The following CASTOR2 variants were observed in gnomAD, a reference collection of about 807,000 sequenced individuals.
CASTOR2 encodes the protein cytosolic arginine sensor for mTORC1 subunit 2, also known as GATS protein like 2.
In CASTOR2, 8 loss-of-function variants were observed where a neutral mutation model predicts 31.2. The observed-to-expected ratio is 0.26, with a 90% CI of 0.15 to 0.46. The LOEUF (loss-of-function observed/expected upper bound fraction) is 0.46. Ranked by LOEUF, CASTOR2 falls within the 20% of genes least tolerant of loss-of-function variation. The probability of loss-of-function intolerance (pLI) is 0.99; values close to 1 mark genes in which losing one functional copy is unlikely to be tolerated. For missense variants in CASTOR2, 216 were observed against 382.1 expected (o/e 0.57, Z 3.62); for synonymous variants, 162 against 158.7 (o/e 1.02, Z -0.16).
In CASTOR2 at chr7:75,026,661, CTT is replaced by C. The variant is rs1350863724; in HGVS notation, c.*1973_*1974del. Among the ~76,000 whole-genome samples, 1 of 147,478 alleles carries C rather than the reference CTT, an allele frequency of 6.8e-6. No individual in the cohort carries two copies. Among genetic ancestry groups the C allele is most frequent in the South Asian group, 2.1e-4 (1 of 4,702 alleles). ...GCCCACCACATTAATTAGAAACCAACTTTTTTTTTTTTAAGTTAATTTGTTTT... is the reference window on the plus strand; with the variant it reads ...GCCCACCACATTAATTAGAAACCAACTTTTTTTTTTAAGTTAATTTGTTTT... On this transcript the variant is annotated 3_prime_UTR_variant, in exon 9 of 9. Coordinates refer to ENST00000616305, the MANE Select transcript of CASTOR2 (RefSeq NM_001145064.3).
chr7:75,026,130 T>TG lies in CASTOR2; in HGVS notation c.*1435dup, dbSNP rs1216295405. Reference sequence around the variant, plus strand: ...GGGTTAGCCGTGGTGTCCCTTCCAGTGGGGTGGTTTTCTGAATGAGCAGGA... The same window carrying TG: ...GGGTTAGCCGTGGTGTCCCTTCCAGTGGGGGTGGTTTTCTGAATGAGCAGGA... On this transcript the variant is annotated 3_prime_UTR_variant, in exon 9 of 9. Coordinates refer to ENST00000616305, the MANE Select transcript of CASTOR2 (RefSeq NM_001145064.3). Among the ~76,000 whole-genome samples the TG allele has an allele frequency of 6.7e-6, 1 of 149,340 alleles. No homozygotes were observed. Among genetic ancestry groups the TG allele is most frequent in the African/African-American group, 2.5e-5 (1 of 40,488 alleles).
chr7:75,027,161 C>T lies in CASTOR2; in HGVS notation c.*2462C>T, dbSNP rs886067813. 1 of 152,196 alleles carries T rather than the reference C, an allele frequency of 6.6e-6. No homozygotes were observed. The highest frequency in any genetic ancestry group is 2.4e-5 in the African/African-American group (1 of 41,428). 9.4% of individuals were successfully genotyped at this position (152,196 alleles called of 1,614,324 possible). A position where few individuals can be genotyped will look rare whatever the true frequency, so the allele number is the denominator to read the frequency against. On this transcript the variant is annotated 3_prime_UTR_variant, in exon 9 of 9. Coordinates refer to ENST00000616305, the MANE Select transcript of CASTOR2 (RefSeq NM_001145064.3). ...TTTTAATTCAAGTATATAGGCAATACGATTATTACAGAAGCCGATGGGTTC... is the reference window on the plus strand; with the variant it reads ...TTTTAATTCAAGTATATAGGCAATATGATTATTACAGAAGCCGATGGGTTC...
At chr7:74,981,805 G>T (rs1407959527) in intron 1 of CASTOR2, among the ~76,000 whole-genome samples, 2 of 145,694 alleles carry the variant, frequency 1.4e-5, no homozygotes, top group African/African-American at 5.1e-5. Flanking sequence ...GGTGGCTCAC[G>T]CCTATAATCC....
At position 75,029,787 on chromosome 7, in the gene CASTOR2, C is replaced by T. The variant is rs1199404264; in HGVS notation, c.*5088C>T. On this transcript the variant is annotated 3_prime_UTR_variant, in exon 9 of 9. Transcript: ENST00000616305. ...GTAATAGGCAGAGCCTGAGTGAGGCCGGGGGGCTTCTCCAACAGAGAAAAG... is the reference window on the plus strand; with the variant it reads ...GTAATAGGCAGAGCCTGAGTGAGGCTGGGGGGCTTCTCCAACAGAGAAAAG... 6.6e-6 allele frequency among the ~76,000 whole-genome samples: 1 copy of T among 152,032 alleles called. No homozygotes were observed. The highest frequency in any genetic ancestry group is 1.5e-5 in the Non-Finnish European group (1 of 68,010).
Position 75,026,188 on chromosome 7 carries a change from G to GTTCTTTTTTT in CASTOR2, c.*1489_*1490insTTCTTTTTTT, listed in dbSNP as rs1178084776. Among the ~76,000 whole-genome samples, 1 of 113,264 alleles carries GTTCTTTTTTT rather than the reference G, an allele frequency of 8.8e-6. No homozygotes were observed. The highest frequency in any genetic ancestry group is 1.9e-5 in the Non-Finnish European group (1 of 51,510). 74.3% of individuals were successfully genotyped at this position (113,264 alleles called of 152,430 possible). On this transcript the variant is annotated 3_prime_UTR_variant, in exon 9 of 9. Coordinates refer to ENST00000616305, the MANE Select transcript of CASTOR2 (RefSeq NM_001145064.3). Reference sequence around the variant, plus strand: ...CCCCTGTGGTTTTGGCTCTGGCGGGGGTTTTTTTTTTTTTTTTTGAGATGG... The same window carrying GTTCTTTTTTT: ...CCCCTGTGGTTTTGGCTCTGGCGGGGTTCTTTTTTTGTTTTTTTTTTTTTTTTTGAGATGG...
Position 74,988,933 on chromosome 7 carries a change from G to A in CASTOR2, c.114-19061G>A, listed in dbSNP as rs1390385819. ...GTTTCTATTACTGTAGAATATTAGG[G>A]CATTCAGCCATAACACTGGAGGGAA... On this transcript the variant is annotated intron_variant, in intron 1 of 8. Transcript: ENST00000616305. Among the ~76,000 whole-genome samples the A allele has an allele frequency of 3.3e-5, 5 of 150,030 alleles. No individual in the cohort carries two copies. The Admixed American group carries it at 3.4e-4, about 10-fold the overall frequency.
rs939357969 is a variant in CASTOR2 at position 75,028,873 on chromosome 7, C to T, written c.*4174C>T. On this transcript the variant is annotated 3_prime_UTR_variant, in exon 9 of 9. Coordinates refer to ENST00000616305, the MANE Select transcript of CASTOR2 (RefSeq NM_001145064.3). ...GCTTCCCCTCCCCAAGATTCAGAGGCGGGGACCCAAAGCCTCACTCCAAAC... is the reference window on the plus strand; with the variant it reads ...GCTTCCCCTCCCCAAGATTCAGAGGTGGGGACCCAAAGCCTCACTCCAAAC... 2.0e-5 allele frequency among the ~76,000 whole-genome samples: 3 copies of T among 152,186 alleles called. No homozygotes were observed. Among genetic ancestry groups the T allele is most frequent in the South Asian group, 4.1e-4 (2 of 4,826 alleles).
At chr7:75,023,615 GTTTTA>G (rs1294236176) in intron 7 of CASTOR2, among the ~76,000 whole-genome samples, 1 of 151,668 alleles carries the variant, frequency 6.6e-6, no homozygotes, top group Admixed American at 6.6e-5. Context: ...AATTCTTGTA[GTTTTA>G]GTAGAGATGG....
chr7:75,022,871 C>A (rs1805037612), intron 7 of CASTOR2, among the ~76,000 whole-genome samples: 1 of 152,098 alleles, frequency 6.6e-6, no homozygotes, highest in African/African-American at 2.4e-5. Flanking sequence ...GAAAAAAAAT[C>A]ACTCCTTATT....
chr7:74,981,722 G>C (rs1584460487), intron 1 of CASTOR2, among the ~76,000 whole-genome samples: 2 of 151,352 alleles, frequency 1.3e-5, no homozygotes, highest in African/African-American at 4.9e-5. Context: ...CTACCATGCC[G>C]GGCCTATTTT....
intron 1 of CASTOR2, among the ~76,000 whole-genome samples, chr7:75,003,616 G>A (rs1584470317): frequency 6.6e-6 from 1 of 151,946 alleles, no homozygotes; most frequent in Non-Finnish European, 1.5e-5. Flanking sequence ...TGGGCGTGGT[G>A]GCGTGCGCCT....
chr7:75,016,396 G>T lies in CASTOR2; in HGVS notation c.185-1202G>T, dbSNP rs1804864036. Among the ~76,000 whole-genome samples the T allele has an allele frequency of 2.6e-5, 4 of 152,304 alleles. No individual in the cohort carries two copies. In the East Asian group the frequency reaches 7.7e-4, roughly 29 times the overall value. ...GCTGTGGACTCCCCACCCTGCCAAAGCCAATGCCAGCCCCTGGGACTTCCA... is the reference window on the plus strand; with the variant it reads ...GCTGTGGACTCCCCACCCTGCCAAATCCAATGCCAGCCCCTGGGACTTCCA... On this transcript the variant is annotated intron_variant, in intron 2 of 8. Transcript: ENST00000616305.
In CASTOR2 at chr7:74,967,483, G is replaced by A. The variant is rs1430624090; in HGVS notation, c.113+2385G>A. The stretch of plus-strand genomic sequence containing the variant: ...TGTCACTTCCCTCTCCAAAACCTAA[G>A]TTTAGCCCAGACTAGCACAGCATGC... On this transcript the variant is annotated intron_variant, in intron 1 of 8. Coordinates refer to ENST00000616305, the MANE Select transcript of CASTOR2 (RefSeq NM_001145064.3). Among the ~76,000 whole-genome samples the A allele has an allele frequency of 1.4e-5, 2 of 145,192 alleles. 1 individual carries two copies. The highest frequency in any genetic ancestry group is 4.0e-4 in the East Asian group (2 of 5,014).
chr7:75,003,490 C>T (rs1228228836), intron 1 of CASTOR2, among the ~76,000 whole-genome samples: 1 of 151,668 alleles, frequency 6.6e-6, no homozygotes, highest in Non-Finnish European at 1.5e-5. Context: ...GTGGCTCACG[C>T]CTATAATCCC....
chr7:75,020,020 A>C lies in CASTOR2; in HGVS notation c.636-19A>C. Reference sequence around the variant, plus strand: ...GGGCCACAGGGGCCCCATCTTTACCAGCTGCCTCTGGTCCCCAGAGTGAAG... The same window carrying C: ...GGGCCACAGGGGCCCCATCTTTACCCGCTGCCTCTGGTCCCCAGAGTGAAG... On this transcript the variant is annotated intron_variant, in intron 5 of 8. Transcript: ENST00000616305. The C allele has an allele frequency of 6.4e-7, 1 of 1,550,768 alleles. No homozygotes were observed. The highest frequency in any genetic ancestry group is 8.7e-7 in the Non-Finnish European group (1 of 1,146,556).
At position 75,024,819 on chromosome 7, in the gene CASTOR2, C is replaced by G; in HGVS notation, c.*120C>G. The G allele has an allele frequency of 6.5e-7, 1 of 1,548,600 alleles. No homozygotes were observed. The highest frequency in any genetic ancestry group is 8.7e-7 in the Non-Finnish European group (1 of 1,146,352). On this transcript the variant is annotated 3_prime_UTR_variant, in exon 9 of 9. Transcript: ENST00000616305. Reference sequence around the variant, plus strand: ...CCTGGGGACCCTGAGGAAGGGGCCTCTGTGGGAGACTCCCTCGATTGCCAA... The same window carrying G: ...CCTGGGGACCCTGAGGAAGGGGCCTGTGTGGGAGACTCCCTCGATTGCCAA...
intron 6 of CASTOR2, 103 bp from the exon 7 acceptor site, chr7:75,021,771 G>T (rs1805010879): frequency 1.4e-6 from 2 of 1,438,668 alleles, no homozygotes; most frequent in Non-Finnish European, 1.9e-6. Context: ...GCCCAACCCT[G>T]CCTGGCCAGC....
chr7:75,027,980 C>G lies in CASTOR2; in HGVS notation c.*3281C>G. On this transcript the variant is annotated 3_prime_UTR_variant, in exon 9 of 9. Transcript: ENST00000616305. Reference sequence around the variant, plus strand: ...CATGTGTTTCTCAGAGGGGCTCCATCCGCAGTTGCATGGAACTCCTTACCT... The same window carrying G: ...CATGTGTTTCTCAGAGGGGCTCCATGCGCAGTTGCATGGAACTCCTTACCT... 6.6e-7 allele frequency: 1 copy of G among 1,518,502 alleles called. No homozygotes were observed. The highest frequency in any genetic ancestry group is 1.2e-5 in the South Asian group (1 of 83,740). The allele number at this position is 1,518,502 out of a possible 1,614,324, so 94.1% of individuals were successfully genotyped here. A position where few individuals can be genotyped will look rare whatever the true frequency, so the allele number is the denominator to read the frequency against.
intron 1 of CASTOR2, among the ~76,000 whole-genome samples, chr7:74,975,917 G>A (rs2131917051): frequency 6.8e-6 from 1 of 147,868 alleles, no homozygotes; most frequent in East Asian, 2.1e-4. Context: ...CAGCCCCATG[G>A]AGAGGCCCAT....
Sources: allele counts gnomAD v4.1 joint callset (sites outside exome capture counted in the v4.1 genomes callset), GRCh38; gene constraint gnomAD v4.1.1; transcripts MANE v1.5; gene names NCBI Gene and HGNC (gene_info 2026-07-23, HGNC 2026-07-21).